Variants in ST8SIA1 observed in about 807,000 individuals in gnomAD.
ST8SIA1 encodes the protein alpha-N-acetylneuraminide alpha-2,8-sialyltransferase.
A neutral mutation model predicts 35.9 loss-of-function variants in ST8SIA1; 16 were observed. That is an observed-to-expected ratio of 0.45 (90% CI 0.30 to 0.68). The LOEUF is 0.68. Among genes scored for constraint, ST8SIA1 ranks in the 30% least tolerant of loss-of-function variants. ST8SIA1 has a pLI of 0.09. For missense variants in ST8SIA1, 383 were observed against 453.6 expected (o/e 0.84, Z 1.41); for synonymous variants, 170 against 169.6 (o/e 1.00, Z -0.02).
rs1198527542 is a variant in ST8SIA1 at position 22,334,084 on chromosome 12, C to T, written c.149G>A (p.Arg50Gln). ...LCWLYIFPVY[R>Q]LPNEKEIVQG... is the part of the protein sequence containing the mutation. ...CACGATCTCTTTCTCGTTGGGCAGC[C>T]GGTAGACGGGGAAGATGTAGAGCCA... Residue 50 changes from arginine to glutamine, a missense_variant, in exon 1 of 5, where the codon CGG becomes CAG. Physicochemically the swap from Arg to Gln is conservative, Grantham distance 43. Coordinates refer to ENST00000396037, the MANE Select transcript of ST8SIA1 (RefSeq NM_003034.4). 1.2e-6 allele frequency: 2 copies of T among 1,613,910 alleles called. No individual in the cohort carries two copies. The highest frequency in any genetic ancestry group is 1.3e-5 in the African/African-American group (1 of 74,880).
At chr12:22,227,380 C>A (rs1410362266) in intron 4 of ST8SIA1, among the ~76,000 whole-genome samples, 2 of 151,904 alleles carry the variant, frequency 1.3e-5, no homozygotes, top group East Asian at 2.0e-4. Flanking sequence ...TCGAGACCAG[C>A]CTGGCCAACT....
chr12:22,271,465 T>C (rs772753778), intron 2 of ST8SIA1, among the ~76,000 whole-genome samples: 74 of 152,182 alleles, frequency 4.9e-4, no homozygotes, highest in Non-Finnish European at 1.2e-4. Flanking sequence ...TTTACACAAT[T>C]ACAGCATCAG....
chr12:22,218,901 A>G (rs1056482330), intron 4 of ST8SIA1, among the ~76,000 whole-genome samples: 2 of 152,078 alleles, frequency 1.3e-5, no homozygotes, highest in African/African-American at 4.8e-5. Context: ...GAAAATGGTG[A>G]ATTTCATGTT....
At chr12:22,218,224 T>G (rs1196684670) in intron 4 of ST8SIA1, among the ~76,000 whole-genome samples, 1 of 151,964 alleles carries the variant, frequency 6.6e-6, no homozygotes, top group East Asian at 1.9e-4. Context: ...CTCAGGAGGC[T>G]GAGACACAAG....
Position 22,201,726 on chromosome 12 carries a change from A to T in ST8SIA1, c.897T>A (p.Ser299=). The T allele has an allele frequency of 6.2e-7, 1 of 1,614,088 alleles. No homozygotes were observed. Among genetic ancestry groups the T allele is most frequent in the Non-Finnish European group, 8.5e-7 (1 of 1,179,972 alleles). The change falls in exon 5 of 5, where the codon TCT becomes TCA. Residue 299 remains serine (S), a synonymous_variant. Transcript: ENST00000396037. The part of the protein sequence containing the change: ...EVAIYGFWPF[S]VNMHEQPISH... ...TGATGGGCTGCTCATGCATATTCACAGAGAAGGGCCAGAAGCCATAGATGG... is the reference window on the plus strand; with the variant it reads ...TGATGGGCTGCTCATGCATATTCACTGAGAAGGGCCAGAAGCCATAGATGG...
At chr12:22,321,389 C>T (rs1209890069) in intron 1 of ST8SIA1, among the ~76,000 whole-genome samples, 1 of 152,138 alleles carries the variant, frequency 6.6e-6, no homozygotes, top group African/African-American at 2.4e-5. Context: ...CAGCCACCCC[C>T]AACAGAGAAA....
At chr12:22,251,739 T>C (rs1466664216) in intron 3 of ST8SIA1, among the ~76,000 whole-genome samples, 1 of 152,194 alleles carries the variant, frequency 6.6e-6, no homozygotes, top group African/African-American at 2.4e-5. Context: ...GACTAAAGTG[T>C]CTTAGCAACT....
intron 2 of ST8SIA1, among the ~76,000 whole-genome samples, chr12:22,275,688 A>G (rs1001111727): frequency 6.6e-6 from 1 of 152,232 alleles, no homozygotes; most frequent in African/African-American, 2.4e-5. Flanking sequence ...TTTATCATAC[A>G]GGTTGTAACC....
rs1356499778 is a variant in ST8SIA1, at chr12:22,193,518, G to C, written c.*8034C>G. 6.6e-6 allele frequency: 1 copy of C among 152,156 alleles called. No homozygotes were observed. Among genetic ancestry groups the C allele is most frequent in the Non-Finnish European group, 1.5e-5 (1 of 68,016 alleles). 9.4% of individuals were successfully genotyped at this position (152,156 alleles called of 1,614,324 possible). The stretch of plus-strand genomic sequence containing the variant: ...TTACAATGAATACACCAAAGAAAAA[G>C]ACATGTTTTTACAGCAAACCTCCTC... On this transcript the variant is annotated 3_prime_UTR_variant, in exon 5 of 5. Transcript: ENST00000396037.
chr12:22,205,958 G>A (rs999033546), intron 4 of ST8SIA1, among the ~76,000 whole-genome samples: 2 of 152,058 alleles, frequency 1.3e-5, no homozygotes, highest in African/African-American at 2.4e-5. Flanking sequence ...AATTGGTATC[G>A]ATAAATTGTA....
At chr12:22,320,957 GAGAA>G (rs1220446331) in intron 1 of ST8SIA1, among the ~76,000 whole-genome samples, 1,884 of 82,880 alleles carry the variant, frequency 0.023, 33 homozygotes, top group African/African-American at 0.03. Context: ...AAGAAAGAAA[GAGAA>G]AGAAAGAAAG....
intron 4 of ST8SIA1, among the ~76,000 whole-genome samples, chr12:22,217,929 AATGAGATGAATG>A (rs1865252434): frequency 6.6e-6 from 1 of 152,254 alleles, no homozygotes. Context: ...TTATCAGAAT[AATGAGATGAATG>A]TAAATAACTG....
At chr12:22,267,671 G>A (rs905401859) in intron 2 of ST8SIA1, among the ~76,000 whole-genome samples, 2 of 151,808 alleles carry the variant, frequency 1.3e-5, no homozygotes, top group Admixed American at 6.6e-5. Context: ...TTGGCTTATC[G>A]TCTACCCTTT....
intron 4 of ST8SIA1, among the ~76,000 whole-genome samples, chr12:22,202,890 G>A (rs10841973): frequency 0.43 from 64,992 of 151,992 alleles, 14,206 homozygotes; most frequent in East Asian, 0.59. Flanking sequence ...GCAAGAGTAC[G>A]CAATATACTG....
intron 2 of ST8SIA1, among the ~76,000 whole-genome samples, chr12:22,266,287 G>A (rs954034691): frequency 2.0e-5 from 3 of 151,812 alleles, no homozygotes; most frequent in Admixed American, 6.6e-5. Flanking sequence ...GAGGCACACC[G>A]GAATTCATTT....
At chr12:22,246,934 C>A (rs1177153092) in intron 4 of ST8SIA1, among the ~76,000 whole-genome samples, 1 of 152,204 alleles carries the variant, frequency 6.6e-6, no homozygotes, top group African/African-American at 2.4e-5. Flanking sequence ...AATAATGATT[C>A]TTGCTTGTCC....
chr12:22,313,464 G>C (rs1303796998), intron 1 of ST8SIA1, among the ~76,000 whole-genome samples: 2 of 152,170 alleles, frequency 1.3e-5, no homozygotes, highest in East Asian at 3.9e-4. Flanking sequence ...AAACCATGAG[G>C]CATAGAAAAT....
At chr12:22,256,872 G>A (rs950674340) in intron 2 of ST8SIA1, among the ~76,000 whole-genome samples, 5 of 152,046 alleles carry the variant, frequency 3.3e-5, no homozygotes, top group African/African-American at 7.3e-5. Flanking sequence ...GAGAAGAGAC[G>A]GGCAAGAAAC....
intron 1 of ST8SIA1, chr12:22,325,313 G>A: frequency 1.6e-6 from 1 of 615,638 alleles, no homozygotes; most frequent in South Asian, 1.9e-5. Flanking sequence ...GTGGTCACCT[G>A]GAAATCTCTG....
Sources: allele counts gnomAD v4.1 joint callset (sites outside exome capture counted in the v4.1 genomes callset), GRCh38; gene constraint gnomAD v4.1.1; transcripts MANE v1.5; gene names NCBI Gene and HGNC (gene_info 2026-07-23, HGNC 2026-07-21).